The following LTBP1 variants were observed in gnomAD, a reference collection of about 807,000 sequenced individuals.
The protein encoded by LTBP1 is latent transforming growth factor beta binding protein 1, also known as latent-transforming growth factor beta-binding protein 1.
A neutral mutation model predicts 207.6 loss-of-function variants in LTBP1; 129 were observed. The observed-to-expected ratio is 0.62, with a 90% CI of 0.54 to 0.72. The LOEUF (loss-of-function observed/expected upper bound fraction) is 0.72, where lower values mean the gene tolerates loss of function less well. LTBP1 is among the 30% of genes least tolerant of loss of function. The pLI is 0.00. For missense variants in LTBP1, 2,281 were observed against 2,217.2 expected (o/e 1.03, Z -0.58); for synonymous variants, 963 against 833.7 (o/e 1.16, Z -2.67).
intron 15 of LTBP1, among the ~76,000 whole-genome samples, chr2:33,270,505 G>A (rs1191893145): frequency 6.6e-6 from 1 of 150,986 alleles, no homozygotes; most frequent in Non-Finnish European, 1.5e-5. Flanking sequence ...CAGGAGAATG[G>A]CGTGAACCCG....
intron 22 of LTBP1, 22 bp downstream of exon 22, chr2:33,301,666 A>G: frequency 6.4e-7 from 1 of 1,560,834 alleles, no homozygotes; most frequent in Non-Finnish European, 8.7e-7. Context: ...TCCTGATTTC[A>G]GAATCATAAA....
chr2:33,003,158 TGAC>T (rs1686292053), intron 2 of LTBP1, among the ~76,000 whole-genome samples: 1 of 152,234 alleles, frequency 6.6e-6, no homozygotes, highest in Non-Finnish European at 1.5e-5. Flanking sequence ...TGTGCTTGAA[TGAC>T]GACATGTGCT....
At chr2:33,139,854 A>G (rs1209651653) in intron 5 of LTBP1, among the ~76,000 whole-genome samples, 1 of 152,212 alleles carries the variant, frequency 6.6e-6, no homozygotes, top group Non-Finnish European at 1.5e-5. Context: ...GAAAGGTAAT[A>G]ATGGTAGATG....
At chr2:33,176,202 C>T (rs1169772901) in intron 5 of LTBP1, among the ~76,000 whole-genome samples, 2 of 146,480 alleles carry the variant, frequency 1.4e-5, no homozygotes, top group Admixed American at 7.0e-5. Context: ...AAATAAAATC[C>T]AATTTTGACA....
At chr2:33,013,690 C>T (rs529772882) in intron 2 of LTBP1, among the ~76,000 whole-genome samples, 45 of 152,168 alleles carry the variant, frequency 3.0e-4, no homozygotes, top group African/African-American at 1.0e-3. Context: ...ACGTTATATT[C>T]TGTGAGTGCT....
chr2:33,013,518 T>G (rs1445820716), intron 2 of LTBP1, among the ~76,000 whole-genome samples: 1 of 152,188 alleles, frequency 6.6e-6, no homozygotes, highest in Non-Finnish European at 1.5e-5. Flanking sequence ...TTAATTAATG[T>G]TAAATGCTTA....
intron 21 of LTBP1, 34 bp from the exon 22 acceptor site, chr2:33,301,488 C>T: frequency 1.3e-6 from 2 of 1,540,662 alleles, no homozygotes; most frequent in Non-Finnish European, 1.7e-6. Flanking sequence ...TGAAGCACCA[C>T]TTCCACAGTT....
intron 3 of LTBP1, among the ~76,000 whole-genome samples, chr2:33,095,608 A>G (rs1283540481): frequency 6.6e-6 from 1 of 152,196 alleles, no homozygotes; most frequent in African/African-American, 2.4e-5. Context: ...AGATAAAACA[A>G]TCAGTAGAAA....
At chr2:33,200,130 A>C (rs896620315) in intron 7 of LTBP1, among the ~76,000 whole-genome samples, 3 of 152,184 alleles carry the variant, frequency 2.0e-5, no homozygotes, top group Non-Finnish European at 4.4e-5. Flanking sequence ...AACTACTCAA[A>C]AGTTCATATG....
intron 18 of LTBP1, among the ~76,000 whole-genome samples, chr2:33,278,620 A>C (rs947044313): frequency 6.6e-6 from 1 of 152,186 alleles, no homozygotes; most frequent in Non-Finnish European, 1.5e-5. Flanking sequence ...AGCAGGTAGA[A>C]ATTCAGGGAC....
chr2:33,162,577 T>G (rs1200122434), intron 5 of LTBP1, among the ~76,000 whole-genome samples: 3 of 152,194 alleles, frequency 2.0e-5, no homozygotes, highest in Non-Finnish European at 4.4e-5. Context: ...TTCACTCTCT[T>G]TCACCTGCCT....
chr2:33,161,629 G>C (rs140250711), intron 5 of LTBP1, among the ~76,000 whole-genome samples: 1 of 152,308 alleles, frequency 6.6e-6, no homozygotes, highest in African/African-American at 2.4e-5. Flanking sequence ...GCACATGAAA[G>C]AATGGAGAAT....
At chr2:33,361,320 C>A (rs1013954948) in intron 27 of LTBP1, 109 bp from the exon 28 acceptor site, 20 of 579,914 alleles carry the variant, frequency 3.4e-5, no homozygotes, top group Non-Finnish European at 5.4e-5. Context: ...AATTTATTTG[C>A]TGGAATTGCC....
chr2:32,948,850 A>G (rs1472854892), intron 1 of LTBP1, 25 bp from the exon 2 acceptor site: 1 of 1,610,306 alleles, frequency 6.2e-7, no homozygotes, highest in South Asian at 1.1e-5. Context: ...CTGCTGCTGG[A>G]CTCAGCGATC....
rs1376179167 is a variant in LTBP1, at chr2:33,273,764, A to C, written c.2726A>C (p.Gln909Pro). ...TACGAGGGCTACAGGTTCAGTGAAC[A>C]ACAGAGGAAATGTGTGGGTAAGAGA... ...ICYEGYRFSE[Q>P]QRKCVDIDEC... Residue 909 changes from glutamine to proline, a missense_variant, in exon 16 of 34, where the codon CAA becomes CCA. This residue lies in a region of LTBP1 where 1,671 missense variants were observed against 1,634.8 expected (regional missense o/e 1.02). Transcript: ENST00000404816. The C allele has an allele frequency of 6.2e-7, 1 of 1,606,776 alleles. No homozygotes were observed. The highest frequency in any genetic ancestry group is 2.2e-5 in the East Asian group (1 of 44,518).
chr2:33,062,806 C>T (rs1036493779), intron 3 of LTBP1, among the ~76,000 whole-genome samples: 9 of 152,098 alleles, frequency 5.9e-5, no homozygotes, highest in African/African-American at 1.4e-4. Flanking sequence ...TACTAAGTGA[C>T]GAATGTGTGG....
chr2:33,347,878 C>T (rs2094725330), intron 26 of LTBP1, among the ~76,000 whole-genome samples: 1 of 152,204 alleles, frequency 6.6e-6, no homozygotes. Flanking sequence ...GTTCTTGGCC[C>T]TTAGAGAAAT....
At chr2:32,949,032 A>G in intron 2 of LTBP1, 87 bp downstream of exon 2, 1 of 1,294,110 alleles carries the variant, frequency 7.7e-7, no homozygotes, top group Non-Finnish European at 1.1e-6. Flanking sequence ...GGGCCACTTG[A>G]AAGGGCTCGG....
At chr2:33,066,309 T>C (rs2077506149) in intron 3 of LTBP1, among the ~76,000 whole-genome samples, 1 of 152,228 alleles carries the variant, frequency 6.6e-6, no homozygotes, top group Non-Finnish European at 1.5e-5. Flanking sequence ...ATGGCAGAGT[T>C]GAGTTGTGAC....
Sources: allele counts gnomAD v4.1 joint callset (sites outside exome capture counted in the v4.1 genomes callset), GRCh38; gene constraint gnomAD v4.1.1; regional missense constraint gnomAD v4.1.1; transcripts MANE v1.5; gene names NCBI Gene and HGNC (gene_info 2026-07-23, HGNC 2026-07-21).